Variants in DNMT3A observed in about 807,000 individuals in gnomAD.
DNMT3A encodes DNA (cytosine-5)-methyltransferase 3A.
Under a neutral mutation model 117.6 loss-of-function variants are expected in DNMT3A, and 267 were observed. The observed-to-expected ratio is 2.27, with a 90% CI of 2.05 to 2.51. The LOEUF (loss-of-function observed/expected upper bound fraction) is 2.51, where lower values mean the gene tolerates loss of function less well. DNMT3A is among the 30% of genes most tolerant of loss of function. The pLI is 0.00. For missense variants in DNMT3A, 1,029 were observed against 1,260.2 expected (o/e 0.82, Z 2.78); for synonymous variants, 432 against 474.8 (o/e 0.91, Z 1.17).
At chr2:25,331,328 T>C (rs1006041715) in intron 1 of DNMT3A, among the ~76,000 whole-genome samples, 4 of 152,242 alleles carry the variant, frequency 2.6e-5, no homozygotes, top group African/African-American at 9.6e-5. Flanking sequence ...GGAAATAGCC[T>C]TCCACATTAT....
rs570997590 is a variant in DNMT3A at position 25,338,195 on chromosome 2, C to T, written c.-178+3631G>A. On this transcript the variant is annotated intron_variant, in intron 1 of 22. Transcript: ENST00000321117. ...CCTCCAGGCCTCAGGCTCTGGGTAG[C>T]ATGGACAACCCTGGGAAGAACTGGG... is the stretch of plus-strand genomic sequence containing the variant. Among the ~76,000 whole-genome samples, 8 of 152,330 alleles carry T rather than the reference C, an allele frequency of 5.3e-5. 1 individual carries two copies. Among genetic ancestry groups the T allele is most frequent in the African/African-American group, 1.7e-4 (7 of 41,580 alleles).
chr2:25,259,729 C>T (rs954189020), intron 6 of DNMT3A, among the ~76,000 whole-genome samples: 10 of 152,234 alleles, frequency 6.6e-5, no homozygotes, highest in South Asian at 2.1e-4. Flanking sequence ...CTTCCCCCAC[C>T]CCTTCTCCAG....
At chr2:25,283,854 C>CA (rs2032081629) in intron 3 of DNMT3A, among the ~76,000 whole-genome samples, 1 of 152,234 alleles carries the variant, frequency 6.6e-6, no homozygotes, top group South Asian at 2.1e-4. Flanking sequence ...ACTACCTCCT[C>CA]AGAGTTTCTC....
chr2:25,240,204 C>G, intron 19 of DNMT3A, 98 bp downstream of exon 19: 1 of 1,549,092 alleles, frequency 6.5e-7, no homozygotes, highest in Non-Finnish European at 8.8e-7. Context: ...GCAGAAGTCA[C>G]CAGTCCCCAG....
At chr2:25,245,397 G>A in intron 12 of DNMT3A, 65 bp from the exon 13 acceptor site, 4 of 1,449,718 alleles carry the variant, frequency 2.8e-6, no homozygotes, top group Non-Finnish European at 2.9e-6. Context: ...CCGGGCCGGA[G>A]CCCAGCACCA....
rs563666166 is a variant in DNMT3A, at chr2:25,280,944, G to C, written c.448+1497C>G. ...GACCCTGGGTAGCAGCTCGGCAGGA[G>C]TCATGGTGGGGTCCTGGGAAGCGAA... On this transcript the variant is annotated intron_variant, in intron 4 of 22. Coordinates refer to ENST00000321117, the MANE Select transcript of DNMT3A (RefSeq NM_022552.5). 2.6e-5 allele frequency among the ~76,000 whole-genome samples: 4 copies of C among 152,318 alleles called. No homozygotes were observed. The South Asian group carries it at 8.3e-4, about 32-fold the overall frequency.
intron 6 of DNMT3A, among the ~76,000 whole-genome samples, chr2:25,261,690 G>A (rs1676628249): frequency 6.6e-6 from 1 of 152,016 alleles, no homozygotes; most frequent in African/African-American, 2.4e-5. Flanking sequence ...ATAGGTGAAA[G>A]GGGGGTTCAG....
At chr2:25,274,269 C>T (rs1460392876) in intron 6 of DNMT3A, among the ~76,000 whole-genome samples, 1 of 152,234 alleles carries the variant, frequency 6.6e-6, no homozygotes, top group Non-Finnish European at 1.5e-5. Context: ...CTCCAAAATA[C>T]ACCCCAAAGC....
intron 4 of DNMT3A, 136 bp from the exon 5 acceptor site, chr2:25,275,679 T>C: frequency 1.1e-6 from 1 of 919,924 alleles, no homozygotes; most frequent in Non-Finnish European, 1.6e-6. Flanking sequence ...GTTCATGTGT[T>C]AAATATGATG....
Position 25,244,147 on chromosome 2 carries a change from G to A in DNMT3A, c.1851+8C>T. 1.2e-6 allele frequency: 2 copies of A among 1,614,018 alleles called. No homozygotes were observed. The highest frequency in any genetic ancestry group is 1.7e-6 in the Non-Finnish European group (2 of 1,180,038). On this transcript the variant is annotated splice_region_variant and intron_variant, in intron 15 of 22. Transcript: ENST00000321117. ...AGCTCGAGACCGCGCCCCAGGCCCA[G>A]CACTCACAAATTCCTGGTCGTGGTT...
intron 3 of DNMT3A, among the ~76,000 whole-genome samples, chr2:25,299,460 G>A (rs372220922): frequency 6.6e-6 from 1 of 152,204 alleles, no homozygotes; most frequent in African/African-American, 2.4e-5. Context: ...AGTGTGGTAG[G>A]GAGGGGCCTT....
In DNMT3A at chr2:25,272,648, A is replaced by G. The variant is rs367960349; in HGVS notation, c.639+2293T>C. 4.6e-5 allele frequency among the ~76,000 whole-genome samples: 7 copies of G among 152,204 alleles called. No individual in the cohort carries two copies. The South Asian group carries it at 1.5e-3, about 32-fold the overall frequency. On this transcript the variant is annotated intron_variant, in intron 6 of 22. Transcript: ENST00000321117. Reference sequence around the variant, plus strand: ...CCTGAATTTCCACCCCAAACACAACATTCCACGCACAGGGGTAAGTGCCTC... The same window carrying G: ...CCTGAATTTCCACCCCAAACACAACGTTCCACGCACAGGGGTAAGTGCCTC...
At chr2:25,341,215 G>T (rs1428062998) in intron 1 of DNMT3A, among the ~76,000 whole-genome samples, 1 of 145,030 alleles carries the variant, frequency 6.9e-6, no homozygotes, top group Non-Finnish European at 1.5e-5. Context: ...CCGGGCGCCG[G>T]GGGGAGGGGC....
At position 25,311,211 on chromosome 2, in the gene DNMT3A, C is replaced by T. The variant is rs1454340602; in HGVS notation, c.72+2702G>A. Among the ~76,000 whole-genome samples, 1 of 152,112 alleles carries T rather than the reference C, an allele frequency of 6.6e-6. No individual in the cohort carries two copies. Among genetic ancestry groups the T allele is most frequent in the Non-Finnish European group, 1.5e-5 (1 of 67,994 alleles). ...CAGTGGAAGGGCCATTGGTTGGCCA[C>T]ACCCCTTCCATCTGGCTTGCCAAAC... On this transcript the variant is annotated intron_variant, in intron 2 of 22. Coordinates refer to ENST00000321117, the MANE Select transcript of DNMT3A (RefSeq NM_022552.5). The surrounding 1 kb of genome is among the most constrained non-coding windows in gnomAD (Gnocchi z 5.2).
chr2:25,281,835 C>T lies in DNMT3A; in HGVS notation c.448+606G>A. Reference sequence around the variant, plus strand: ...ATGAAGAGGCCTGGGCTGGGCAGTACACAGAATACAATCACCCAGCCCTCT... The same window carrying T: ...ATGAAGAGGCCTGGGCTGGGCAGTATACAGAATACAATCACCCAGCCCTCT... On this transcript the variant is annotated intron_variant, in intron 4 of 22. Transcript: ENST00000321117. The surrounding 1 kb of genome is among the most constrained non-coding windows in gnomAD (Gnocchi z 4.8). The T allele has an allele frequency of 9.4e-7, 1 of 1,067,590 alleles. No individual in the cohort carries two copies. 66.1% of individuals were successfully genotyped at this position (1,067,590 alleles called of 1,614,324 possible). A position where few individuals can be genotyped will look rare whatever the true frequency, so the allele number is the denominator to read the frequency against.
Position 25,245,273 on chromosome 2 carries a change from C to A in DNMT3A, c.1534G>T (p.Gly512Ter). Reference sequence around the variant, plus strand: ...CCTACCTTGCAGTTTTGGCACATTCCTCCAACGAAGAGGGGGTGTTCCAGG... The same window carrying A: ...CCTACCTTGCAGTTTTGGCACATTCATCCAACGAAGAGGGGGTGTTCCAGG... The part of the protein sequence containing the change: ...VTLEHPLFVG[G>*]MCQNCKNCFL... The change falls in exon 13 of 23, where the codon GGA becomes TGA. Residue 512 changes from glycine to a stop codon, truncating the protein, a stop_gained. Coordinates refer to ENST00000321117, the MANE Select transcript of DNMT3A (RefSeq NM_022552.5). LOFTEE classifies it high-confidence loss of function. The A allele has an allele frequency of 6.2e-7, 1 of 1,613,934 alleles. No individual in the cohort carries two copies. The highest frequency in any genetic ancestry group is 1.3e-5 in the African/African-American group (1 of 75,064).
intron 1 of DNMT3A, among the ~76,000 whole-genome samples, chr2:25,317,621 GT>G (rs1448128980): frequency 7.4e-4 from 113 of 152,330 alleles, no homozygotes; most frequent in Non-Finnish European, 1.2e-4. Flanking sequence ...TCTTCTACAA[GT>G]TTGAAGGTTT....
In DNMT3A at chr2:25,228,740, C is replaced by T. The variant is rs1483340755; in HGVS notation, c.*5539G>A. The stretch of plus-strand genomic sequence containing the variant: ...AGCACCTTGGTGAGTCACCTCCTCC[C>T]TCTGCGTATTCTAAGGAATTTCAGC... On this transcript the variant is annotated 3_prime_UTR_variant, in exon 23 of 23. Coordinates refer to ENST00000321117, the MANE Select transcript of DNMT3A (RefSeq NM_022552.5). The T allele has an allele frequency of 6.6e-6, 1 of 152,226 alleles. No individual in the cohort carries two copies. The highest frequency in any genetic ancestry group is 1.5e-5 in the Non-Finnish European group (1 of 68,048). The allele number at this position is 152,226 out of a possible 1,614,324, so 9.4% of individuals were successfully genotyped here.
intron 1 of DNMT3A, among the ~76,000 whole-genome samples, chr2:25,326,458 G>A (rs2034792530): frequency 6.6e-6 from 1 of 152,170 alleles, no homozygotes; most frequent in Non-Finnish European, 1.5e-5. Flanking sequence ...TGCAGCCAAA[G>A]GGGTAAACTG....
Sources: gnomAD v4.1 joint callset for allele counts (sites outside exome capture counted in the v4.1 genomes callset) on GRCh38, gnomAD v4.1.1 for gene constraint, Gnocchi (gnomAD v3.1) non-coding constraint, MANE v1.5 for transcripts, NCBI Gene and HGNC (gene_info 2026-07-23, HGNC 2026-07-21) for gene names.